The following EYS variants were observed in gnomAD, a reference collection of about 807,000 sequenced individuals.
The protein encoded by EYS is EGF-like photoreceptor maintenance factor, also known as protein eyes shut homolog.
EYS carries 250 observed loss-of-function variants against 282.1 expected under a neutral mutation model. The ratio of observed to expected loss-of-function variants is 0.89; its 90% confidence interval spans 0.80 to 0.98. The LOEUF is 0.98. Among genes scored for constraint, EYS ranks in the 50% least tolerant of loss-of-function variants. The probability of loss-of-function intolerance (pLI) is 0.00; values close to 1 mark genes in which losing one functional copy is unlikely to be tolerated. For missense variants in EYS, 4,016 were observed against 3,709.0 expected, an observed-to-expected ratio of 1.08 and a Z score of -2.15; for synonymous variants, 1,355 against 1,282.9, an observed-to-expected ratio of 1.06 and a Z score of -1.20.
chr6:65,278,031 C>CTTTTCCTTTT, intron 12 of EYS, among the ~76,000 whole-genome samples: 1 of 107,510 alleles, frequency 9.3e-6, no homozygotes, highest in Non-Finnish European at 1.9e-5. Flanking sequence ...CTTTTCTTTT[C>CTTTTCCTTTT]CTTTTCTTTT....
At chr6:64,582,714 T>C (rs1046951997) in intron 26 of EYS, among the ~76,000 whole-genome samples, 3 of 152,026 alleles carry the variant, frequency 2.0e-5, no homozygotes, top group African/African-American at 7.2e-5. Context: ...ATTATTAAAC[T>C]ATCACAATCA....
chr6:64,587,791 C>T (rs915674507), intron 26 of EYS, among the ~76,000 whole-genome samples: 1 of 151,972 alleles, frequency 6.6e-6, no homozygotes, highest in East Asian at 1.9e-4. Flanking sequence ...GAAGAAAATA[C>T]TATAGTAACC....
Position 63,721,532 on chromosome 6 carries a change from A to T in EYS, c.8499T>A (p.Asn2833Lys), listed in dbSNP as rs1420315601. ...IGGVSSLNLV[N>K]PMAIENEPVG... ...CAGGTTCATTTTCTATTGCCATGGG[A>T]TTTACAAGATTTAAAGAAGATACTC... is the stretch of plus-strand genomic sequence containing the variant. The change falls in exon 43 of 43, where the codon AAT becomes AAA. Residue 2833 changes from asparagine to lysine, a missense_variant. Physicochemically the swap from Asn to Lys is moderately conservative, Grantham distance 94 (BLOSUM62 0). Transcript: ENST00000503581. The T allele has an allele frequency of 6.4e-7, 1 of 1,551,520 alleles. No homozygotes were observed. Among genetic ancestry groups the T allele is most frequent in the South Asian group, 1.2e-5 (1 of 84,056 alleles).
At position 64,564,268 on chromosome 6, in the gene EYS, C is replaced by CTTTTTTT. The variant is rs4034161; in HGVS notation, c.5644+25948_5644+25954dup. Among the ~76,000 whole-genome samples, 27 of 59,384 alleles carry CTTTTTTT rather than the reference C, an allele frequency of 4.5e-4. 5 individuals carry two copies. The highest frequency in any genetic ancestry group is 6.0e-4 in the Non-Finnish European group (21 of 35,070). 39.0% of individuals were successfully genotyped at this position (59,384 alleles called of 152,430 possible). A position where few individuals can be genotyped will look rare whatever the true frequency, so the allele number is the denominator to read the frequency against. ...TCCTCATCAACACGTATCTTTTGTCCTTTTTTTTTTTTTTTTTTTTTTTTT... is the reference window on the plus strand; with the variant it reads ...TCCTCATCAACACGTATCTTTTGTCCTTTTTTTTTTTTTTTTTTTTTTTTTTTTTTTT... On this transcript the variant is annotated intron_variant, in intron 26 of 42. Transcript: ENST00000503581.
intron 22 of EYS, among the ~76,000 whole-genome samples, chr6:64,805,705 A>G (rs1764401636): frequency 6.6e-6 from 1 of 151,090 alleles, no homozygotes; most frequent in South Asian, 2.1e-4. Context: ...TTATTTAATA[A>G]TATTTATTTA....
intron 13 of EYS, among the ~76,000 whole-genome samples, chr6:65,051,560 CAA>C (rs779824450): frequency 2.9e-4 from 44 of 151,550 alleles, no homozygotes; most frequent in Non-Finnish European, 4.9e-4. Flanking sequence ...GGTGAGAACA[CAA>C]AATCTAATCT....
intron 12 of EYS, among the ~76,000 whole-genome samples, chr6:65,104,665 C>A (rs1222222735): frequency 1.3e-5 from 2 of 151,436 alleles, no homozygotes; most frequent in African/African-American, 4.8e-5. Flanking sequence ...TCCTAAAATG[C>A]ATATCACGAC....
intron 35 of EYS, among the ~76,000 whole-genome samples, chr6:63,884,945 C>T (rs1304642030): frequency 1.3e-5 from 2 of 151,802 alleles, no homozygotes; most frequent in African/African-American, 2.4e-5. Flanking sequence ...TTGCATTGGT[C>T]CTGTGAAGAA....
chr6:64,550,295 C>T (rs865954989), intron 26 of EYS, among the ~76,000 whole-genome samples: 4 of 152,122 alleles, frequency 2.6e-5, no homozygotes, highest in Non-Finnish European at 4.4e-5. Context: ...ACTTCTAGAT[C>T]CCTGAGGAAT....
intron 2 of EYS, among the ~76,000 whole-genome samples, chr6:65,607,278 G>T: frequency 6.6e-6 from 1 of 151,522 alleles, no homozygotes; most frequent in East Asian, 1.9e-4. Flanking sequence ...CACAAAATTG[G>T]CAAGGCAAAA....
intron 12 of EYS, among the ~76,000 whole-genome samples, chr6:65,239,335 C>T (rs1008061033): frequency 2.6e-5 from 4 of 152,024 alleles, no homozygotes; most frequent in Admixed American, 1.3e-4. Flanking sequence ...AATCACCCTT[C>T]ACATGTGACC....
intron 22 of EYS, among the ~76,000 whole-genome samples, chr6:64,659,738 A>T (rs10944672): frequency 0.64 from 97,180 of 151,856 alleles, 31,319 homozygotes; most frequent in African/African-American, 0.71. Context: ...ATTGAGGCAA[A>T]AACTAAGAGC....
chr6:65,305,158 T>C (rs1487276702), intron 11 of EYS, among the ~76,000 whole-genome samples: 1 of 150,722 alleles, frequency 6.6e-6, no homozygotes, highest in Non-Finnish European at 1.5e-5. Flanking sequence ...TTTGTCCATT[T>C]GATGCCATTG....
At chr6:64,678,478 T>C (rs914671990) in intron 22 of EYS, among the ~76,000 whole-genome samples, 1 of 152,024 alleles carries the variant, frequency 6.6e-6, no homozygotes, top group African/African-American at 2.4e-5. Context: ...CTTGGGAGGC[T>C]GAGACAGGAG....
Position 64,780,825 on chromosome 6 carries a change from A to G in EYS, c.3443+32553T>C, listed in dbSNP as rs1398198040. Among the ~76,000 whole-genome samples the G allele has an allele frequency of 2.0e-5, 3 of 152,186 alleles. No homozygotes were observed. In the East Asian group the frequency reaches 5.8e-4, roughly 29 times the overall value. ...AAAAAATTATTCTATAGAGGAATTC[A>G]CCATTTTTTATTTCCTTTCACCAGT... is the stretch of plus-strand genomic sequence containing the variant. On this transcript the variant is annotated intron_variant, in intron 22 of 42. Coordinates refer to ENST00000503581, the MANE Select transcript of EYS (RefSeq NM_001142800.2).
At chr6:64,769,734 A>C (rs985750847) in intron 22 of EYS, among the ~76,000 whole-genome samples, 5 of 152,016 alleles carry the variant, frequency 3.3e-5, no homozygotes, top group African/African-American at 1.2e-4. Context: ...GAGATGAAAA[A>C]CTGAGGTAGG....
chr6:64,978,938 G>A (rs1770562343), intron 14 of EYS, among the ~76,000 whole-genome samples: 1 of 151,858 alleles, frequency 6.6e-6, no homozygotes, highest in East Asian at 1.9e-4. Flanking sequence ...AAAGAAAGCG[G>A]TTTCTTGAAA....
chr6:65,375,764 G>A (rs997188549), intron 8 of EYS, among the ~76,000 whole-genome samples: 3 of 151,986 alleles, frequency 2.0e-5, no homozygotes, highest in Non-Finnish European at 4.4e-5. Context: ...TGCTCAAGCA[G>A]AAGAAAGGAT....
chr6:64,449,551 T>A (rs1476822578), intron 26 of EYS, among the ~76,000 whole-genome samples: 1 of 152,068 alleles, frequency 6.6e-6, no homozygotes, highest in African/African-American at 2.4e-5. Context: ...AGACACATAA[T>A]TGTCAGATTC....
Sources: allele counts gnomAD v4.1 joint callset (sites outside exome capture counted in the v4.1 genomes callset), GRCh38; gene constraint gnomAD v4.1.1; transcripts MANE v1.5; gene names NCBI Gene and HGNC (gene_info 2026-07-23, HGNC 2026-07-21).